The following GLIPR2 variants were observed in gnomAD, a reference collection of about 807,000 sequenced individuals.
The protein encoded by GLIPR2 is GLI pathogenesis related 2.
Under a neutral mutation model 20.4 loss-of-function variants are expected in GLIPR2, and 21 were observed. The ratio of observed to expected loss-of-function variants is 1.03; its 90% CI spans 0.73 to 1.48. The LOEUF is 1.48. GLIPR2 is among the 40% of genes most tolerant of loss of function. The pLI is 0.00. For missense variants in GLIPR2, 205 were observed against 200.1 expected, an observed-to-expected ratio of 1.02 and a Z score of -0.15; for synonymous variants, 91 against 80.5, an observed-to-expected ratio of 1.13 and a Z score of -0.70.
At chr9:36,154,316 G>C (rs558196212) in intron 4 of GLIPR2, among the ~76,000 whole-genome samples, 9 of 152,146 alleles carry the variant, frequency 5.9e-5, no homozygotes, top group African/African-American at 2.2e-4. Flanking sequence ...CTGCCCAAGA[G>C]ACAACGAGAG....
chr9:36,136,858 C>G lies in GLIPR2; in HGVS notation c.13+67C>G. 1 of 1,255,890 alleles carries G rather than the reference C, an allele frequency of 8.0e-7. No individual in the cohort carries two copies. Among genetic ancestry groups the G allele is most frequent in the Non-Finnish European group, 1.0e-6 (1 of 999,334 alleles). 77.8% of individuals were successfully genotyped at this position (1,255,890 alleles called of 1,614,324 possible). On this transcript the variant is annotated intron_variant, in intron 1 of 4. Transcript: ENST00000377960. The surrounding 1 kb of genome is among the most constrained non-coding windows in gnomAD (Gnocchi z 4.3). ...CCGCGCTCCCGGACCTCGCCGTCTCCCTCGTCCGCCGCAAGCCAGGTCCTG... is the reference window on the plus strand; with the variant it reads ...CCGCGCTCCCGGACCTCGCCGTCTCGCTCGTCCGCCGCAAGCCAGGTCCTG...
chr9:36,144,164 C>T (rs1825218321), intron 1 of GLIPR2: 1 of 152,184 alleles, frequency 6.6e-6, no homozygotes, highest in African/African-American at 2.4e-5. Context: ...ACGAGACCCC[C>T]ATCTGGGTCC....
intron 4 of GLIPR2, among the ~76,000 whole-genome samples, chr9:36,154,811 C>T (rs1222735115): frequency 1.3e-5 from 2 of 152,222 alleles, no homozygotes; most frequent in Non-Finnish European, 2.9e-5. Flanking sequence ...GGCACTCGTG[C>T]TGCTCATGTG....
chr9:36,162,232 G>T, intron 4 of GLIPR2, 130 bp from the exon 5 acceptor site: 1 of 1,585,742 alleles, frequency 6.3e-7, no homozygotes, highest in East Asian at 2.3e-5. Context: ...TCCCCTGCAG[G>T]GGGTCTGTGA....
At chr9:36,154,454 G>T (rs11794716) in intron 4 of GLIPR2, among the ~76,000 whole-genome samples, 30,011 of 151,990 alleles carry the variant, frequency 0.2, 3,064 homozygotes, top group South Asian at 0.27. Context: ...GCTTGTCAGA[G>T]ATTGTGCCAC....
At chr9:36,161,296 G>A (rs1345129771) in intron 4 of GLIPR2, among the ~76,000 whole-genome samples, 1 of 152,120 alleles carries the variant, frequency 6.6e-6, no homozygotes, top group Non-Finnish European at 1.5e-5. Flanking sequence ...TACCATTGAT[G>A]GAGATGGGAG....
In GLIPR2 at chr9:36,163,619, G is replaced by C. The variant is rs1826159850; in HGVS notation, c.*1097G>C. 6.6e-6 allele frequency: 1 copy of C among 152,666 alleles called. No individual in the cohort carries two copies. Among genetic ancestry groups the C allele is most frequent in the Middle Eastern group, 3.1e-3 (1 of 320 alleles). The allele number at this position is 152,666 out of a possible 1,614,324, so 9.5% of individuals were successfully genotyped here. ...AAGTGCTAATATGGTTCTGTGTTTTGCCTGAAACGATACCAGGTTCCCCTG... is the reference window on the plus strand; with the variant it reads ...AAGTGCTAATATGGTTCTGTGTTTTCCCTGAAACGATACCAGGTTCCCCTG... On this transcript the variant is annotated 3_prime_UTR_variant, in exon 5 of 5. Coordinates refer to ENST00000377960, the MANE Select transcript of GLIPR2 (RefSeq NM_022343.4).
rs540540868 is a variant in GLIPR2, at chr9:36,162,792, A to T, written c.*270A>T. On this transcript the variant is annotated 3_prime_UTR_variant, in exon 5 of 5. Transcript: ENST00000377960. ...GAGGGGGGATCCGTTTTTTTTTTTT[A>T]ATTTTTTGTTATTTCTAAGCAAACC... 22 of 498,264 alleles carry T rather than the reference A, an allele frequency of 4.4e-5. No homozygotes were observed. Among genetic ancestry groups the T allele is most frequent in the African/African-American group, 2.8e-4 (14 of 49,300 alleles). 30.9% of individuals were successfully genotyped at this position (498,264 alleles called of 1,614,324 possible).
intron 4 of GLIPR2, among the ~76,000 whole-genome samples, chr9:36,151,739 C>T (rs940288195): frequency 9.9e-5 from 15 of 152,110 alleles, no homozygotes; most frequent in African/African-American, 3.4e-4. Flanking sequence ...CCCTGTGCCC[C>T]GGGGTCCCTC....
chr9:36,136,682 C>T (rs550713211), upstream of GLIPR2: 971 of 920,900 alleles, frequency 1.1e-3, 9 homozygotes, highest in African/African-American at 0.015. This position sits in a 1 kb window ranked among gnomAD's most constrained non-coding sequence, Gnocchi z 4.3. Context: ...GAGGAGGGGC[C>T]GCGGCATCAG....
At chr9:36,158,061 C>T (rs1825912663) in intron 4 of GLIPR2, among the ~76,000 whole-genome samples, 1 of 152,190 alleles carries the variant, frequency 6.6e-6, no homozygotes, top group Admixed American at 6.5e-5. Context: ...GATCCGCCCA[C>T]CTCAACCTCC....
rs773235515 is a variant in GLIPR2 at position 36,141,365 on chromosome 9, A to G, written c.13+4574A>G. Among the ~76,000 whole-genome samples the G allele has an allele frequency of 2.1e-4, 32 of 151,950 alleles. No individual in the cohort carries two copies. The Middle Eastern group carries it at 0.014, about 65-fold the overall frequency. ...TCATTCTTTTTTTTTTTTTCCTTAAACTGCCAACTTTTTATTCTTTCTTCC... is the reference window on the plus strand; with the variant it reads ...TCATTCTTTTTTTTTTTTTCCTTAAGCTGCCAACTTTTTATTCTTTCTTCC... On this transcript the variant is annotated intron_variant, in intron 1 of 4. Transcript: ENST00000377960.
chr9:36,150,841 T>G, intron 3 of GLIPR2, 31 bp from the exon 4 acceptor site: 1 of 1,550,598 alleles, frequency 6.4e-7, no homozygotes, highest in Non-Finnish European at 8.9e-7. Context: ...ATTTTGTGGC[T>G]GAGTTTTAGA....
At position 36,143,260 on chromosome 9, in the gene GLIPR2, C is replaced by T. The variant is rs142675745; in HGVS notation, c.14-4526C>T. On this transcript the variant is annotated intron_variant, in intron 1 of 4. Transcript: ENST00000377960. The stretch of plus-strand genomic sequence containing the variant: ...AAGCCACCTACTCCTCTGTCTCCCC[C>T]TCCTCTTCAGAGCCCCAGGATACAC... Among the ~76,000 whole-genome samples the T allele has an allele frequency of 1.4e-4, 21 of 152,272 alleles. 1 individual carries two copies. The East Asian group carries it at 3.5e-3, about 25-fold the overall frequency.
At chr9:36,158,616 T>C (rs1477804424) in intron 4 of GLIPR2, among the ~76,000 whole-genome samples, 1 of 152,190 alleles carries the variant, frequency 6.6e-6, no homozygotes, top group East Asian at 1.9e-4. Flanking sequence ...GCTTGCCCAA[T>C]CATAAGCCAG....
Position 36,138,366 on chromosome 9 carries a change from A to C in GLIPR2, c.13+1575A>C, listed in dbSNP as rs187428678. Among the ~76,000 whole-genome samples, 602 of 152,210 alleles carry C rather than the reference A, an allele frequency of 4.0e-3. 3 individuals carry two copies. Among genetic ancestry groups the C allele is most frequent in the Non-Finnish European group, 6.3e-3 (431 of 68,018 alleles). On this transcript the variant is annotated intron_variant, in intron 1 of 4. Coordinates refer to ENST00000377960, the MANE Select transcript of GLIPR2 (RefSeq NM_022343.4). The stretch of plus-strand genomic sequence containing the variant: ...CAGCCTCCTGAGTAGCTGGGATTAC[A>C]GGTGTGCGCCACCACGCCCAGCTAA...
chr9:36,136,703 G>A, upstream of GLIPR2: 1 of 1,079,044 alleles, frequency 9.3e-7, no homozygotes, highest in Non-Finnish European at 1.2e-6. This position sits in a 1 kb window ranked among gnomAD's most constrained non-coding sequence, Gnocchi z 4.3. Context: ...CCCGGTCCTG[G>A]GCTCTGGGGC....
At chr9:36,137,861 A>T (rs1338649666) in intron 1 of GLIPR2, among the ~76,000 whole-genome samples, 1 of 152,236 alleles carries the variant, frequency 6.6e-6, no homozygotes, top group South Asian at 2.1e-4. Flanking sequence ...GACTCAGGAG[A>T]TGCCAGCGCT....
At chr9:36,142,525 C>G (rs1025964646) in intron 1 of GLIPR2, among the ~76,000 whole-genome samples, 1 of 152,146 alleles carries the variant, frequency 6.6e-6, no homozygotes, top group African/African-American at 2.4e-5. Flanking sequence ...AAAGCAGGCC[C>G]GGGATGGGTG....
Sources: allele counts gnomAD v4.1 joint callset (sites outside exome capture counted in the v4.1 genomes callset), GRCh38; gene constraint gnomAD v4.1.1; non-coding constraint Gnocchi (gnomAD v3.1); transcripts MANE v1.5; gene names NCBI Gene and HGNC (gene_info 2026-07-23, HGNC 2026-07-21).